CDH13: variants seen among roughly 807,000 people sequenced by gnomAD.
CDH13 encodes the protein cadherin-13.
Under a neutral mutation model 63.8 loss-of-function variants are expected in CDH13, and 24 were observed. That is an observed-to-expected ratio of 0.38 (90% CI 0.27 to 0.53). The LOEUF (loss-of-function observed/expected upper bound fraction) is 0.53, where lower values mean the gene tolerates loss of function less well. Ranked by LOEUF, CDH13 falls within the 20% of genes least tolerant of loss-of-function variation. The pLI is 0.85. For synonymous variants in CDH13, 503 were observed against 355.3 expected (o/e 1.42, Z -4.67); for missense variants, 1,049 against 903.1 (o/e 1.16, Z -2.07).
intron 1 of CDH13, among the ~76,000 whole-genome samples, chr16:82,832,705 C>G (rs1036154627): frequency 4.1e-5 from 6 of 147,190 alleles, no homozygotes; most frequent in African/African-American, 1.5e-4. Flanking sequence ...AGTAACATTG[C>G]CATGTTACAG....
In CDH13 at chr16:83,162,532, T is replaced by C. The variant is rs575032023; in HGVS notation, c.483+37031T>C. ...GCTAAGCCTTAGTTTCCCTACCAAG[T>C]TTTAAAGGTTGAACAAAGCAAGGTG... On this transcript the variant is annotated intron_variant, in intron 4 of 13. Transcript: ENST00000567109. 3.3e-5 allele frequency among the ~76,000 whole-genome samples: 5 copies of C among 152,182 alleles called. No homozygotes were observed. In the East Asian group the frequency reaches 9.7e-4, roughly 29 times the overall value.
intron 1 of CDH13, among the ~76,000 whole-genome samples, chr16:82,637,086 A>T (rs113817075): frequency 5.9e-5 from 9 of 152,312 alleles, no homozygotes; most frequent in African/African-American, 2.2e-4. Flanking sequence ...ATGCATGCAG[A>T]TTATCTAAAT....
At chr16:83,130,907 C>G (rs1303734497) in intron 4 of CDH13, among the ~76,000 whole-genome samples, 1 of 152,114 alleles carries the variant, frequency 6.6e-6, no homozygotes, top group Admixed American at 6.5e-5. Flanking sequence ...GGCAAGTTAG[C>G]CCTTGGTGGA....
intron 5 of CDH13, among the ~76,000 whole-genome samples, chr16:83,256,348 A>T (rs964549288): frequency 2.6e-5 from 4 of 152,116 alleles, no homozygotes; most frequent in South Asian, 2.1e-4. Flanking sequence ...GTGATTTTTT[A>T]AAAATAAGTA....
chr16:83,220,762 A>G (rs995902731), intron 5 of CDH13, among the ~76,000 whole-genome samples: 8 of 152,066 alleles, frequency 5.3e-5, no homozygotes, highest in Admixed American at 2.6e-4. Context: ...TGCTGCTCAC[A>G]TGCAAGTACG....
chr16:83,250,148 A>T (rs1347464899), intron 5 of CDH13, among the ~76,000 whole-genome samples: 1 of 152,176 alleles, frequency 6.6e-6, no homozygotes, highest in Non-Finnish European at 1.5e-5. Flanking sequence ...TTAAAATAAA[A>T]CAATTTTGGT....
chr16:83,494,199 G>A (rs573164277), intron 7 of CDH13, among the ~76,000 whole-genome samples: 4 of 152,232 alleles, frequency 2.6e-5, no homozygotes, highest in Non-Finnish European at 4.4e-5. Context: ...TGAATTTAGA[G>A]TACTTCTCTT....
intron 4 of CDH13, among the ~76,000 whole-genome samples, chr16:83,173,829 A>G (rs1333807438): frequency 6.6e-6 from 1 of 152,020 alleles, no homozygotes; most frequent in African/African-American, 2.4e-5. Context: ...CCTTCCTAGC[A>G]TCCATCTTGC....
intron 7 of CDH13, among the ~76,000 whole-genome samples, chr16:83,548,353 A>T (rs911428529): frequency 1.3e-5 from 2 of 152,014 alleles, no homozygotes; most frequent in Non-Finnish European, 2.9e-5. Flanking sequence ...TGGGAAGGGG[A>T]TGCTACTAGC....
chr16:82,645,824 A>C (rs1383907422), intron 1 of CDH13, among the ~76,000 whole-genome samples: 2 of 152,258 alleles, frequency 1.3e-5, no homozygotes, highest in Non-Finnish European at 2.9e-5. Context: ...TGAAGAAACC[A>C]GTAAGATGCC....
At chr16:83,094,050 T>C (rs756544447) in intron 3 of CDH13, among the ~76,000 whole-genome samples, 1 of 152,218 alleles carries the variant, frequency 6.6e-6, no homozygotes, top group Non-Finnish European at 1.5e-5. Context: ...GACCCATTTT[T>C]AAGAGCAGGG....
intron 2 of CDH13, among the ~76,000 whole-genome samples, chr16:82,925,156 C>A (rs1470816019): frequency 6.6e-6 from 1 of 152,130 alleles, no homozygotes. Flanking sequence ...GAGCCCCTGG[C>A]CCTCTGTCAG....
chr16:83,237,108 C>T (rs900447686), intron 5 of CDH13, among the ~76,000 whole-genome samples: 12 of 152,110 alleles, frequency 7.9e-5, no homozygotes, highest in African/African-American at 2.9e-4. Context: ...TTCAGGGTGG[C>T]ATGGGCAGCT....
chr16:82,779,355 C>G (rs1197615681), intron 1 of CDH13, among the ~76,000 whole-genome samples: 1 of 152,154 alleles, frequency 6.6e-6, no homozygotes, highest in Non-Finnish European at 1.5e-5. Context: ...ACTATCCAGC[C>G]AGAAAGAGCA....
intron 2 of CDH13, among the ~76,000 whole-genome samples, chr16:82,989,804 T>G (rs1911428968): frequency 6.6e-6 from 1 of 152,192 alleles, no homozygotes; most frequent in South Asian, 2.1e-4. Flanking sequence ...GCAATGTGAT[T>G]TACGTTTAGA....
chr16:83,687,586 G>T (rs747383313), intron 10 of CDH13, among the ~76,000 whole-genome samples: 6 of 152,210 alleles, frequency 3.9e-5, no homozygotes, highest in Non-Finnish European at 8.8e-5. Flanking sequence ...TTCAGTATGA[G>T]ATTTGGGTGA....
intron 2 of CDH13, among the ~76,000 whole-genome samples, chr16:82,861,873 A>C (rs1158342600): frequency 6.6e-6 from 1 of 152,236 alleles, no homozygotes; most frequent in African/African-American, 2.4e-5. Context: ...TGCATCTTTC[A>C]GAGAGTGATG....
intron 4 of CDH13, among the ~76,000 whole-genome samples, chr16:83,135,369 G>A (rs562120189): frequency 6.6e-6 from 1 of 152,276 alleles, no homozygotes; most frequent in East Asian, 1.9e-4. Flanking sequence ...TTTGCTGTTT[G>A]CATAGCACAC....
At chr16:83,674,653 G>T (rs1914802501) in intron 9 of CDH13, among the ~76,000 whole-genome samples, 1 of 152,192 alleles carries the variant, frequency 6.6e-6, no homozygotes, top group Non-Finnish European at 1.5e-5. Flanking sequence ...CCAACATACA[G>T]AAGAACTATT....
Sources: allele counts gnomAD v4.1 joint callset (sites outside exome capture counted in the v4.1 genomes callset), GRCh38; gene constraint gnomAD v4.1.1; transcripts MANE v1.5; gene names NCBI Gene and HGNC (gene_info 2026-07-23, HGNC 2026-07-21).